The following DNAAF1 variants were observed in gnomAD, a reference collection of about 807,000 sequenced individuals.
The protein encoded by DNAAF1 is dynein assembly factor 1, axonemal.
Under a neutral mutation model 71.1 loss-of-function variants are expected in DNAAF1, and 65 were observed. That is an observed-to-expected ratio of 0.91 (90% CI 0.75 to 1.12). DNAAF1 has a LOEUF of 1.12. Ranked by LOEUF, DNAAF1 falls within the 50% of genes most tolerant of loss-of-function variation. The pLI is 0.00. For synonymous variants in DNAAF1, 414 were observed against 354.6 expected (o/e 1.17, Z -1.88); for missense variants, 1,178 against 899.8 (o/e 1.31, Z -3.96).
intron 6 of DNAAF1, among the ~76,000 whole-genome samples, chr16:84,162,417 T>A (rs991020420): frequency 2.7e-4 from 41 of 150,138 alleles, no homozygotes; most frequent in African/African-American, 3.4e-4. Context: ...CAAAAAAAAA[T>A]AAATAAATAA....
At position 84,176,275 on chromosome 16, in the gene DNAAF1, G is replaced by A. The variant is rs147176057; in HGVS notation, c.2041G>A (p.Asp681Asn). The change falls in exon 11 of 12, where the codon GAC becomes AAC. Residue 681 changes from aspartate to asparagine, a missense_variant. Physicochemically the swap from Asp to Asn is conservative, Grantham distance 23. Transcript: ENST00000378553. ...PLTSSGDRDS[D>N]FLAASSPVPT... Reference sequence around the variant, plus strand: ...CACTTCCAGTGGAGACAGGGACAGCGACTTCCTTGCAGCCTCTTCTCCGGG... The same window carrying A: ...CACTTCCAGTGGAGACAGGGACAGCAACTTCCTTGCAGCCTCTTCTCCGGG... 7 of 1,613,386 alleles carry A rather than the reference G, an allele frequency of 4.3e-6. No individual in the cohort carries two copies. The highest frequency in any genetic ancestry group is 2.7e-5 in the African/African-American group (2 of 74,922).
At chr16:84,172,780 T>G in intron 9 of DNAAF1, 1 of 1,085,564 alleles carries the variant, frequency 9.2e-7, no homozygotes. Flanking sequence ...TTATACATTG[T>G]ATCTTTTCCC....
chr16:84,146,560 C>T (rs2086920614), intron 1 of DNAAF1, among the ~76,000 whole-genome samples: 1 of 152,020 alleles, frequency 6.6e-6, no homozygotes, highest in Non-Finnish European at 1.5e-5. Flanking sequence ...TTGCTAAAAA[C>T]ACAAAAATTA....
Position 84,174,424 on chromosome 16 carries a change from C to A in DNAAF1, c.1645-245C>A. On this transcript the variant is annotated intron_variant, in intron 9 of 11. Transcript: ENST00000378553. Reference sequence around the variant, plus strand: ...AAAGCAGAAAAAAGATGTGGAAATTCTTTAAACACGTCACACCTTGCAAGT... The same window carrying A: ...AAAGCAGAAAAAAGATGTGGAAATTATTTAAACACGTCACACCTTGCAAGT... The A allele has an allele frequency of 2.1e-6, 3 of 1,396,342 alleles. No individual in the cohort carries two copies. In the South Asian group the frequency reaches 4.7e-5, roughly 22 times the overall value. The allele number at this position is 1,396,342 out of a possible 1,614,324, so 86.5% of individuals were successfully genotyped here.
chr16:84,161,851 A>G (rs1032083985), intron 6 of DNAAF1, among the ~76,000 whole-genome samples: 1 of 152,034 alleles, frequency 6.6e-6, no homozygotes, highest in Non-Finnish European at 1.5e-5. Flanking sequence ...TCCTTTTAGG[A>G]CACATGAGTC....
chr16:84,165,744 T>A (rs2087940008), intron 6 of DNAAF1, 39 bp from the exon 7 acceptor site: 1 of 1,591,308 alleles, frequency 6.3e-7, no homozygotes, highest in Non-Finnish European at 8.6e-7. Context: ...ATGTTTGGAG[T>A]TCACCTCCCC....
Position 84,170,291 on chromosome 16 carries a change from G to A in DNAAF1, c.1463G>A (p.Arg488Gln), listed in dbSNP as rs200444692. ...AAGGTTAAAGGAGAGGATGGAGATCGAGAGCCAGAGGGGACCCTCCCAGCT... is the reference window on the plus strand; with the variant it reads ...AAGGTTAAAGGAGAGGATGGAGATCAAGAGCCAGAGGGGACCCTCCCAGCT... Reference protein sequence around the residue: ...PVKVKGEDGDREPEGTLPAEA... With the variant: ...PVKVKGEDGDQEPEGTLPAEA... Residue 488 changes from arginine (R) to glutamine (Q), a missense_variant, in exon 8 of 12, where the codon CGA becomes CAA. Arg to Gln is a conservative substitution (Grantham distance 43, BLOSUM62 1). Coordinates refer to ENST00000378553, the MANE Select transcript of DNAAF1 (RefSeq NM_178452.6). 6.2e-6 allele frequency: 10 copies of A among 1,609,936 alleles called. No homozygotes were observed. The highest frequency in any genetic ancestry group is 1.7e-5 in the Admixed American group (1 of 59,254).
chr16:84,146,860 G>A (rs753164496), intron 1 of DNAAF1, among the ~76,000 whole-genome samples: 2 of 152,232 alleles, frequency 1.3e-5, no homozygotes, highest in African/African-American at 2.4e-5. Flanking sequence ...TTGTGTTCCA[G>A]TTTCTGAACG....
At chr16:84,154,896 GT>G (rs544397762) in intron 4 of DNAAF1, 98 bp downstream of exon 4, 116 of 1,030,432 alleles carry the variant, frequency 1.1e-4, no homozygotes, top group Middle Eastern at 2.1e-4. Context: ...AAGAAGTGGT[GT>G]TTTTTTTTGT....
intron 6 of DNAAF1, among the ~76,000 whole-genome samples, chr16:84,162,929 C>A (rs1292589078): frequency 6.6e-6 from 1 of 152,164 alleles, no homozygotes; most frequent in Non-Finnish European, 1.5e-5. Context: ...TTGATTTGCT[C>A]GTTCTGGACA....
At chr16:84,149,856 C>T (rs2087102884) in intron 2 of DNAAF1, among the ~76,000 whole-genome samples, 1 of 151,356 alleles carries the variant, frequency 6.6e-6, no homozygotes, top group Non-Finnish European at 1.5e-5. Context: ...GAAACCCCCC[C>T]TCTACTAAAA....
chr16:84,155,770 C>T (rs1414298581), intron 5 of DNAAF1, 21 bp downstream of exon 5: 2 of 1,613,718 alleles, frequency 1.2e-6, no homozygotes, highest in Non-Finnish European at 1.7e-6. Flanking sequence ...AAAACAAAAA[C>T]AACGAAAAAG....
intron 11 of DNAAF1, chr16:84,177,472 G>C (rs756676521): frequency 4.9e-6 from 2 of 409,906 alleles, no homozygotes; most frequent in East Asian, 5.6e-5. Context: ...GGTATTATAG[G>C]GGCCTGCCAC....
At chr16:84,158,318 T>C (rs1340304952) in intron 5 of DNAAF1, among the ~76,000 whole-genome samples, 3 of 152,196 alleles carry the variant, frequency 2.0e-5, no homozygotes, top group Non-Finnish European at 2.9e-5. Flanking sequence ...TCTCCTTGGC[T>C]GGTAGATGGC....
At chr16:84,168,870 CT>C (rs1306874413) in intron 7 of DNAAF1, among the ~76,000 whole-genome samples, 2 of 101,276 alleles carry the variant, frequency 2.0e-5, no homozygotes, top group Non-Finnish European at 4.6e-5. Context: ...TGCTTTTCCC[CT>C]GAACCATTTG....
intron 4 of DNAAF1, 24 bp from the exon 5 acceptor site, chr16:84,155,559 A>G: frequency 1.2e-6 from 2 of 1,613,610 alleles, no homozygotes; most frequent in Non-Finnish European, 1.7e-6. Flanking sequence ...TTTGTTTTTG[A>G]CTTCTGCTGA....
intron 3 of DNAAF1, among the ~76,000 whole-genome samples, chr16:84,151,546 G>A (rs985438279): frequency 3.3e-5 from 5 of 152,190 alleles, no homozygotes; most frequent in Non-Finnish European, 5.9e-5. Context: ...ACTGAGTAGA[G>A]ACAGTCAGAG....
chr16:84,162,737 T>G (rs2087772285), intron 6 of DNAAF1, among the ~76,000 whole-genome samples: 1 of 152,058 alleles, frequency 6.6e-6, no homozygotes, highest in African/African-American at 2.4e-5. Flanking sequence ...GAGAATCGCT[T>G]GAACCCGGGA....
intron 9 of DNAAF1, chr16:84,174,199 A>T: frequency 9.9e-7 from 1 of 1,010,680 alleles, no homozygotes; most frequent in Non-Finnish European, 1.2e-6. Flanking sequence ...CTGCCTCCCC[A>T]ACCACGCACT....
Sources: gnomAD v4.1 joint callset for allele counts (sites outside exome capture counted in the v4.1 genomes callset) on GRCh38, gnomAD v4.1.1 for gene constraint, MANE v1.5 for transcripts, NCBI Gene and HGNC (gene_info 2026-07-23, HGNC 2026-07-21) for gene names.